FMN2: variants seen among roughly 807,000 people sequenced by gnomAD.
FMN2 encodes formin 2.
A neutral mutation model predicts 142.3 loss-of-function variants in FMN2; 51 were observed. The observed-to-expected ratio is 0.36, with a 90% confidence interval of 0.29 to 0.45. FMN2 has a LOEUF of 0.45. Ranked by LOEUF, FMN2 falls within the 20% of genes least tolerant of loss-of-function variation. The pLI is 1.00. For synonymous variants in FMN2, 882 were observed against 869.8 expected (o/e 1.01, Z -0.25); for missense variants, 1,936 against 2,122.8 (o/e 0.91, Z 1.73).
At chr1:240,144,919 T>C (rs1663374021) in intron 2 of FMN2, 2 of 1,342,646 alleles carry the variant, frequency 1.5e-6, no homozygotes, top group Non-Finnish European at 1.1e-6. Flanking sequence ...GACTCCATGA[T>C]GCCAATTCCT....
At chr1:240,364,393 C>T (rs151089548) in intron 14 of FMN2, among the ~76,000 whole-genome samples, 233 of 152,082 alleles carry the variant, frequency 1.5e-3, no homozygotes, top group African/African-American at 5.2e-3. Context: ...AAAATGAATA[C>T]GCTTTTGTAT....
At chr1:240,188,520 G>A in intron 4 of FMN2, among the ~76,000 whole-genome samples, 1 of 152,120 alleles carries the variant, frequency 6.6e-6, no homozygotes, top group East Asian at 1.9e-4. Flanking sequence ...AAAGAGTTGG[G>A]CCCAATAACA....
intron 7 of FMN2, among the ~76,000 whole-genome samples, chr1:240,263,152 T>C (rs188571538): frequency 1.3e-5 from 2 of 152,250 alleles, no homozygotes; most frequent in East Asian, 3.9e-4. Flanking sequence ...CACACACAGA[T>C]ATATATTACA....
chr1:240,258,274 G>T (rs1232097126), intron 7 of FMN2, among the ~76,000 whole-genome samples: 10 of 152,104 alleles, frequency 6.6e-5, no homozygotes, highest in Non-Finnish European at 1.3e-4. Context: ...TATTATCTTA[G>T]TTCAGGCTAC....
intron 8 of FMN2, among the ~76,000 whole-genome samples, chr1:240,321,951 A>G (rs906908183): frequency 6.6e-6 from 1 of 152,186 alleles, no homozygotes; most frequent in Admixed American, 6.5e-5. Flanking sequence ...TCCTCAACTT[A>G]TGATGGGGTT....
At chr1:240,390,916 T>C (rs1003701142) in intron 14 of FMN2, among the ~76,000 whole-genome samples, 2 of 152,228 alleles carry the variant, frequency 1.3e-5, no homozygotes, top group African/African-American at 2.4e-5. Context: ...AGCAAAGATA[T>C]GTGAGGGCAA....
rs561956942 is a variant in FMN2 at position 240,128,950 on chromosome 1, T to C, written c.1782+5605T>C. On this transcript the variant is annotated intron_variant, in intron 2 of 17. Coordinates refer to ENST00000319653, the MANE Select transcript of FMN2 (RefSeq NM_020066.5). Reference sequence around the variant, plus strand: ...GTGCAGTGGCGCGATCTTGGCTTACTGCAACCTCCGCCTCTTGGGTTCAAG... The same window carrying C: ...GTGCAGTGGCGCGATCTTGGCTTACCGCAACCTCCGCCTCTTGGGTTCAAG... 1.1e-4 allele frequency among the ~76,000 whole-genome samples: 17 copies of C among 152,280 alleles called. No individual in the cohort carries two copies. In the East Asian group the frequency reaches 3.1e-3, roughly 28 times the overall value.
At chr1:240,214,387 T>G (rs1210223142) in intron 6 of FMN2, among the ~76,000 whole-genome samples, 1 of 151,566 alleles carries the variant, frequency 6.6e-6, no homozygotes, top group Non-Finnish European at 1.5e-5. Context: ...CCGTCTCTAC[T>G]AAAAATACAA....
intron 2 of FMN2, among the ~76,000 whole-genome samples, chr1:240,162,021 C>G (rs994182997): frequency 3.3e-5 from 5 of 151,200 alleles, no homozygotes; most frequent in Non-Finnish European, 5.9e-5. Flanking sequence ...AATCCCAGCG[C>G]TTTAGGGGGC....
At chr1:240,437,292 CTTTTTTTTTT>C (rs10649766) in intron 15 of FMN2, among the ~76,000 whole-genome samples, 2 of 117,396 alleles carry the variant, frequency 1.7e-5, no homozygotes, top group South Asian at 2.8e-4. Flanking sequence ...GCATCTCTTG[CTTTTTTTTTT>C]TTTTTTTTTG....
intron 6 of FMN2, among the ~76,000 whole-genome samples, chr1:240,213,553 A>G (rs1247025938): frequency 1.3e-5 from 2 of 152,212 alleles, no homozygotes; most frequent in African/African-American, 4.8e-5. Context: ...GTTTAAGGAA[A>G]GTGTATTTTC....
intron 2 of FMN2, among the ~76,000 whole-genome samples, chr1:240,159,933 T>G (rs12133315): frequency 5.8e-5 from 4 of 68,808 alleles, no homozygotes; most frequent in Non-Finnish European, 9.4e-5. Context: ...ATATATATAT[T>G]TGTGTATATA....
rs112637249 is a variant in FMN2, at chr1:240,285,124, A to T, written c.4154-9698A>T. On this transcript the variant is annotated intron_variant, in intron 7 of 17. Coordinates refer to ENST00000319653, the MANE Select transcript of FMN2 (RefSeq NM_020066.5). ...TTTTGTTTGAAGAAACATTTTGTTCAATTAGGAGGGTGTTGCAAGAATTGC... is the reference window on the plus strand; with the variant it reads ...TTTTGTTTGAAGAAACATTTTGTTCTATTAGGAGGGTGTTGCAAGAATTGC... 5.0e-3 allele frequency: 2,071 copies of T among 414,560 alleles called. 31 individuals are homozygous for T. Among genetic ancestry groups the T allele is most frequent in the African/African-American group, 0.034 (1,668 of 48,936 alleles). 25.7% of individuals were successfully genotyped at this position (414,560 alleles called of 1,614,324 possible).
At chr1:240,443,426 A>T (rs912178458) in intron 16 of FMN2, among the ~76,000 whole-genome samples, 3 of 152,222 alleles carry the variant, frequency 2.0e-5, no homozygotes, top group Non-Finnish European at 4.4e-5. Flanking sequence ...TGCATTTTTT[A>T]AAATTTCAAT....
intron 16 of FMN2, among the ~76,000 whole-genome samples, chr1:240,461,948 T>C (rs1364497922): frequency 6.6e-6 from 1 of 152,208 alleles, no homozygotes; most frequent in East Asian, 1.9e-4. Context: ...TATCTGTGAA[T>C]GCCAGGACAG....
At chr1:240,189,107 A>G (rs1260825944) in intron 4 of FMN2, among the ~76,000 whole-genome samples, 1 of 151,910 alleles carries the variant, frequency 6.6e-6, no homozygotes, top group African/African-American at 2.4e-5. Flanking sequence ...GTTACCAAAG[A>G]AGCCAAATTT....
At chr1:240,122,062 A>ATT in intron 1 of FMN2, among the ~76,000 whole-genome samples, 1 of 97,220 alleles carries the variant, frequency 1.0e-5, no homozygotes, top group East Asian at 2.8e-4. Flanking sequence ...TTTGGATCCA[A>ATT]AATTAATTAA....
At chr1:240,143,024 T>C (rs878910611) in intron 2 of FMN2, 1 of 1,507,852 alleles carries the variant, frequency 6.6e-7, no homozygotes, top group African/African-American at 1.4e-5. Flanking sequence ...CCATGGCCAC[T>C]GGACTCATAA....
intron 2 of FMN2, among the ~76,000 whole-genome samples, chr1:240,176,971 T>A (rs1289363123): frequency 6.6e-6 from 1 of 152,182 alleles, no homozygotes. Flanking sequence ...AATAGCAACA[T>A]CCATCCGATA....
Sources: gnomAD v4.1 joint callset for allele counts (sites outside exome capture counted in the v4.1 genomes callset) on GRCh38, gnomAD v4.1.1 for gene constraint, MANE v1.5 for transcripts, NCBI Gene and HGNC (gene_info 2026-07-23, HGNC 2026-07-21) for gene names.